BIN2: variants seen among roughly 807,000 people sequenced by gnomAD.
BIN2 encodes the protein bridging integrator 2.
In BIN2, 43 loss-of-function variants were observed where a neutral mutation model predicts 67.9. That is an observed-to-expected ratio of 0.63 (90% CI 0.50 to 0.82). The LOEUF (loss-of-function observed/expected upper bound fraction) is 0.82. Among genes scored for constraint, BIN2 ranks in the 40% least tolerant of loss-of-function variants. BIN2 has a pLI of 0.00. For synonymous variants in BIN2, 244 were observed against 246.8 expected (o/e 0.99, Z 0.11); for missense variants, 581 against 671.6 (o/e 0.87, Z 1.49).
rs111770314 is a variant in BIN2 at position 51,302,163 on chromosome 12, A to C, written c.313-48T>G. The C allele has an allele frequency of 1.4e-3, 2,008 of 1,397,414 alleles. 20 individuals carry two copies. The African/African-American group carries it at 0.025, about 18-fold the overall frequency. 86.6% of individuals were successfully genotyped at this position (1,397,414 alleles called of 1,614,324 possible). On this transcript the variant is annotated intron_variant, in intron 4 of 12. Coordinates refer to ENST00000615107, the MANE Select transcript of BIN2 (RefSeq NM_016293.4). The stretch of plus-strand genomic sequence containing the variant: ...GGTGAAGGCTCCACTTCCCAACAAC[A>C]ACTGCCTACCAGGGAAATACCCAAA...
intron 9 of BIN2, among the ~76,000 whole-genome samples, chr12:51,294,313 A>G (rs1945473111): frequency 6.6e-6 from 1 of 152,236 alleles, no homozygotes; most frequent in Non-Finnish European, 1.5e-5. Context: ...TCACACCGGT[A>G]ATCCCAGCAC....
At chr12:51,302,973 A>G (rs1247909169) in intron 3 of BIN2, 114 bp downstream of exon 3, 1 of 1,292,774 alleles carries the variant, frequency 7.7e-7, no homozygotes, top group East Asian at 2.3e-5. Flanking sequence ...AGGAGTCAAG[A>G]GTAGTCAAAT....
chr12:51,310,117 C>T (rs1945959848), intron 2 of BIN2, among the ~76,000 whole-genome samples: 1 of 152,154 alleles, frequency 6.6e-6, no homozygotes, highest in African/African-American at 2.4e-5. Flanking sequence ...TTATGTGTCT[C>T]CTGATGGAAG....
intron 9 of BIN2, among the ~76,000 whole-genome samples, chr12:51,294,604 G>T (rs1945485872): frequency 6.6e-6 from 1 of 150,516 alleles, no homozygotes; most frequent in Non-Finnish European, 1.5e-5. Flanking sequence ...CCAAAAACAT[G>T]CAAAACAATA....
chr12:51,297,142 T>A lies in BIN2; in HGVS notation c.625A>T (p.Ile209Phe), dbSNP rs750707326. The stretch of plus-strand genomic sequence containing the variant: ...CTCAAGTTGGAAATGTTTTGGAAGA[T>A]GGTCACATAGCAGCCAATACGACTA... ...YNSRIGCYVT[I>F]FQNISNLRDV... Residue 209 changes from isoleucine (I) to phenylalanine (F), a missense_variant, in exon 8 of 13, where the codon ATC becomes TTC. Coordinates refer to ENST00000615107, the MANE Select transcript of BIN2 (RefSeq NM_016293.4). 2.5e-6 allele frequency: 4 copies of A among 1,614,098 alleles called. No homozygotes were observed. In the South Asian group the frequency reaches 4.4e-5, roughly 18 times the overall value.
intron 12 of BIN2, among the ~76,000 whole-genome samples, 181 bp downstream of exon 12, chr12:51,284,535 G>C (rs1251792075): frequency 6.6e-6 from 1 of 152,026 alleles, no homozygotes; most frequent in Non-Finnish European, 1.5e-5. Flanking sequence ...TAGGAAAATG[G>C]GCACGGAGAT....
chr12:51,321,314 T>C (rs954418172), intron 1 of BIN2, among the ~76,000 whole-genome samples: 1 of 152,172 alleles, frequency 6.6e-6, no homozygotes, highest in African/African-American at 2.4e-5. Context: ...AAAACAGAGA[T>C]GCTAATAACC....
At chr12:51,281,617 A>AT (rs1945121905) in intron 12 of BIN2, 89 bp from the exon 13 acceptor site, 2 of 1,344,614 alleles carry the variant, frequency 1.5e-6, no homozygotes, top group Non-Finnish European at 2.1e-6. Flanking sequence ...CTTCTACTGA[A>AT]TTATACTTCA....
chr12:51,292,457 G>A (rs1232880424), intron 9 of BIN2, 113 bp from the exon 10 acceptor site: 4 of 1,244,208 alleles, frequency 3.2e-6, no homozygotes, highest in African/African-American at 3.0e-5. Flanking sequence ...TAAAATGTTA[G>A]AAAGTTTGCA....
At chr12:51,305,008 A>G (rs546230895) in intron 2 of BIN2, among the ~76,000 whole-genome samples, 1 of 150,894 alleles carries the variant, frequency 6.6e-6, no homozygotes, top group East Asian at 2.0e-4. Context: ...ACAGAGCCAG[A>G]CTCCGTCTCA....
In BIN2 at chr12:51,288,261, T is replaced by C. The variant is rs540687216; in HGVS notation, c.1516-73A>G. ...CTGGGGGCCATCCCTGTGCCCTTGG[T>C]CCATATTAGCTCCTCTCAGATATCA... On this transcript the variant is annotated intron_variant, in intron 10 of 12. Transcript: ENST00000615107. The C allele has an allele frequency of 6.3e-6, 8 of 1,271,010 alleles. No individual in the cohort carries two copies. In the Admixed American group the frequency reaches 1.4e-4, roughly 22 times the overall value. 78.7% of individuals were successfully genotyped at this position (1,271,010 alleles called of 1,614,324 possible).
At chr12:51,298,795 A>G (rs10876160) in intron 7 of BIN2, among the ~76,000 whole-genome samples, 81,875 of 151,878 alleles carry the variant, frequency 0.54, 22,220 homozygotes, top group Non-Finnish European at 0.57. Context: ...CTGGCTGGGC[A>G]TGGTGGCTCA....
rs368335073 is a variant in BIN2, at chr12:51,313,621, G to A, written c.162+202C>T. Among the ~76,000 whole-genome samples the A allele has an allele frequency of 2.6e-5, 4 of 152,258 alleles. No individual in the cohort carries two copies. The South Asian group carries it at 6.2e-4, about 24-fold the overall frequency. On this transcript the variant is annotated intron_variant, in intron 2 of 12. Transcript: ENST00000615107. ...CTCCCAAAGTGTTGGGATTATAGGG[G>A]TGATCCACTGCGCCTGGCTGGTAAA...
At chr12:51,316,925 G>A (rs1265152230) in intron 1 of BIN2, among the ~76,000 whole-genome samples, 1 of 152,092 alleles carries the variant, frequency 6.6e-6, no homozygotes, top group Non-Finnish European at 1.5e-5. Flanking sequence ...TGCCCAGGCT[G>A]GAGTACAATG....
intron 9 of BIN2, among the ~76,000 whole-genome samples, chr12:51,294,707 T>C (rs1490097594): frequency 6.6e-6 from 1 of 152,070 alleles, no homozygotes; most frequent in Non-Finnish European, 1.5e-5. Flanking sequence ...TATTATTTTA[T>C]GTGTGAAACA....
rs749659460 is a variant in BIN2 at position 51,295,819 on chromosome 12, G to A, written c.738C>T (p.Val246=). The change falls in exon 9 of 13, where the codon GTC becomes GTT. Residue 246 remains valine (V), a synonymous_variant. Transcript: ENST00000615107. ...ACCTTGACAGTCCCTTCACCACAAA[G>A]ACTTTATTGGAATGTTGCTTCTCCA... The part of the protein sequence containing the change: ...SKLEKQHSNK[V]FVVKGLSSSS... 5 of 1,613,108 alleles carry A rather than the reference G, an allele frequency of 3.1e-6. No individual in the cohort carries two copies. In the South Asian group the frequency reaches 4.4e-5, roughly 14 times the overall value.
chr12:51,290,340 G>T (rs915270797), intron 10 of BIN2, among the ~76,000 whole-genome samples: 3 of 151,524 alleles, frequency 2.0e-5, no homozygotes, highest in Admixed American at 6.6e-5. Flanking sequence ...GGTTGGCCAG[G>T]CTGGTCTCGA....
chr12:51,286,534 A>G (rs1945240761), intron 11 of BIN2, among the ~76,000 whole-genome samples: 1 of 152,236 alleles, frequency 6.6e-6, no homozygotes, highest in Admixed American at 6.5e-5. Context: ...CTTCAAAAAG[A>G]TGACTCCAAG....
intron 1 of BIN2, among the ~76,000 whole-genome samples, chr12:51,316,898 CAG>C (rs1378543715): frequency 2.6e-5 from 4 of 152,036 alleles, no homozygotes; most frequent in Non-Finnish European, 4.4e-5. Context: ...TATTTTGAGA[CAG>C]AGTTTCGCTC....
Sources: gnomAD v4.1 joint callset for allele counts (sites outside exome capture counted in the v4.1 genomes callset) on GRCh38, gnomAD v4.1.1 for gene constraint, MANE v1.5 for transcripts, NCBI Gene and HGNC (gene_info 2026-07-23, HGNC 2026-07-21) for gene names.